INPP4B: variants seen among roughly 807,000 people sequenced by gnomAD.
INPP4B encodes the protein inositol polyphosphate-4-phosphatase type II B.
INPP4B carries 55 observed loss-of-function variants against 122.5 expected under a neutral mutation model. The ratio of observed to expected loss-of-function variants is 0.45; its 90% confidence interval spans 0.36 to 0.56. The LOEUF (loss-of-function observed/expected upper bound fraction) is 0.56. Ranked by LOEUF, INPP4B falls within the 20% of genes least tolerant of loss-of-function variation. The pLI is 0.00. For synonymous variants in INPP4B, 403 were observed against 388.7 expected (o/e 1.04, Z -0.43); for missense variants, 1,000 against 1,097.7 (o/e 0.91, Z 1.26).
At chr4:142,144,814 A>G (rs888993005) in intron 18 of INPP4B, among the ~76,000 whole-genome samples, 2 of 152,150 alleles carry the variant, frequency 1.3e-5, no homozygotes, top group African/African-American at 4.8e-5. Context: ...GATGTTTTAT[A>G]TAATTAAACT....
chr4:142,797,973 A>G (rs1288627232), intron 1 of INPP4B, among the ~76,000 whole-genome samples: 1 of 151,964 alleles, frequency 6.6e-6, no homozygotes, highest in Non-Finnish European at 1.5e-5. Context: ...GAATAAAGTG[A>G]AAAGAAATAT....
Position 142,133,389 on chromosome 4 carries a change from G to A in INPP4B, c.1721-8629C>T, listed in dbSNP as rs74660483. Among the ~76,000 whole-genome samples the A allele has an allele frequency of 5.3e-3, 807 of 152,256 alleles. 9 individuals carry two copies. Among genetic ancestry groups the A allele is most frequent in the African/African-American group, 0.018 (745 of 41,542 alleles). On this transcript the variant is annotated intron_variant, in intron 18 of 25. Transcript: ENST00000262992. ...ATGTCTTACCCTAAAAATAGGTACA[G>A]AATCTCACTACTTTTCATCACCTCC...
At chr4:142,438,647 G>T (rs1436344811) in intron 3 of INPP4B, among the ~76,000 whole-genome samples, 1 of 152,132 alleles carries the variant, frequency 6.6e-6, no homozygotes, top group Non-Finnish European at 1.5e-5. Context: ...CATGGGCAAA[G>T]ATTTTATGAT....
rs148339389 is a variant in INPP4B at position 142,764,136 on chromosome 4, C to T, written c.-253-38235G>A. On this transcript the variant is annotated intron_variant, in intron 1 of 25. Coordinates refer to ENST00000262992, the MANE Select transcript of INPP4B (RefSeq NM_001101669.3). ...AAGATATTTTTATTCCCCTTTTTGA[C>T]GTGTTAGACAAAATTACACATGCAT... Among the ~76,000 whole-genome samples, 68 of 152,040 alleles carry T rather than the reference C, an allele frequency of 4.5e-4. No individual in the cohort carries two copies. In the East Asian group the frequency reaches 9.3e-3, roughly 21 times the overall value.
chr4:142,677,437 A>T (rs1207599213), intron 2 of INPP4B, among the ~76,000 whole-genome samples: 1 of 152,082 alleles, frequency 6.6e-6, no homozygotes, highest in Non-Finnish European at 1.5e-5. Context: ...CAGCATGGTG[A>T]TTCCTCAAGG....
intron 14 of INPP4B, among the ~76,000 whole-genome samples, chr4:142,200,634 G>A (rs1840248067): frequency 6.6e-6 from 1 of 151,692 alleles, no homozygotes. Context: ...ATAAAAGTAA[G>A]TTAAAAAATA....
At chr4:142,050,505 G>A (rs1178178444) in intron 25 of INPP4B, among the ~76,000 whole-genome samples, 2 of 151,928 alleles carry the variant, frequency 1.3e-5, no homozygotes, top group East Asian at 1.9e-4. Context: ...AGATAGCACT[G>A]TACACAGCAC....
chr4:142,075,012 T>C (rs1160274178), intron 25 of INPP4B, among the ~76,000 whole-genome samples: 2 of 152,038 alleles, frequency 1.3e-5, no homozygotes, highest in East Asian at 3.9e-4. Context: ...ATGAACACTT[T>C]CTATGCTCTG....
intron 2 of INPP4B, among the ~76,000 whole-genome samples, chr4:142,515,955 A>G (rs1052869289): frequency 1.1e-4 from 17 of 152,176 alleles, no homozygotes; most frequent in Admixed American, 2.6e-4. Flanking sequence ...TTTTTCTACC[A>G]TTATGTGCAA....
chr4:142,308,686 C>T (rs1382939970), intron 8 of INPP4B, among the ~76,000 whole-genome samples: 2 of 151,706 alleles, frequency 1.3e-5, no homozygotes, highest in African/African-American at 4.8e-5. Context: ...TATATCTTTG[C>T]TATCACTGTC....
At chr4:142,106,482 T>C (rs1190480858) in intron 23 of INPP4B, among the ~76,000 whole-genome samples, 1 of 152,182 alleles carries the variant, frequency 6.6e-6, no homozygotes, top group Non-Finnish European at 1.5e-5. Context: ...GGTTTCACCA[T>C]GTTGCCCGGG....
intron 17 of INPP4B, among the ~76,000 whole-genome samples, chr4:142,146,218 A>G (rs1579071113): frequency 6.6e-6 from 1 of 152,162 alleles, no homozygotes; most frequent in African/African-American, 2.4e-5. Flanking sequence ...TATTTAGTCC[A>G]TTATTTTCAC....
At chr4:142,585,712 T>C (rs1736011569) in intron 2 of INPP4B, among the ~76,000 whole-genome samples, 1 of 152,064 alleles carries the variant, frequency 6.6e-6, no homozygotes, top group Non-Finnish European at 1.5e-5. Flanking sequence ...CAGTGGTCCA[T>C]GTGTCCTCCA....
chr4:142,094,669 C>T (rs148092567), intron 23 of INPP4B, among the ~76,000 whole-genome samples: 1,543 of 152,238 alleles, frequency 0.01, 12 homozygotes, highest in Non-Finnish European at 0.016. Context: ...TCTCCTGCTG[C>T]CTATAATGTG....
intron 2 of INPP4B, among the ~76,000 whole-genome samples, chr4:142,621,017 G>A (rs1744801124): frequency 1.3e-5 from 2 of 151,608 alleles, no homozygotes; most frequent in Middle Eastern, 3.2e-3. Context: ...GCTATTGAAG[G>A]AGCTTTTTTT....
intron 9 of INPP4B, among the ~76,000 whole-genome samples, chr4:142,299,029 A>G (rs1246136638): frequency 6.6e-6 from 1 of 152,046 alleles, no homozygotes; most frequent in East Asian, 1.9e-4. Flanking sequence ...TCATGGAGGA[A>G]CTTCCTGTCA....
intron 1 of INPP4B, among the ~76,000 whole-genome samples, chr4:142,806,850 A>G (rs1778926161): frequency 6.7e-6 from 1 of 149,724 alleles, no homozygotes; most frequent in Non-Finnish European, 1.5e-5. Flanking sequence ...AAAGAAAGAA[A>G]GGAGAAGAAA....
intron 3 of INPP4B, among the ~76,000 whole-genome samples, chr4:142,441,626 A>G (rs1811742522): frequency 6.6e-6 from 1 of 152,134 alleles, no homozygotes; most frequent in Non-Finnish European, 1.5e-5. Context: ...GCATATAGTG[A>G]GAAGAAGAGA....
chr4:142,197,408 C>A (rs1052086869), intron 14 of INPP4B, among the ~76,000 whole-genome samples: 1 of 152,130 alleles, frequency 6.6e-6, no homozygotes, highest in Non-Finnish European at 1.5e-5. Flanking sequence ...TCTGTGAAAT[C>A]TTTCTGAATA....
Sources: gnomAD v4.1 joint callset for allele counts (sites outside exome capture counted in the v4.1 genomes callset) on GRCh38, gnomAD v4.1.1 for gene constraint, MANE v1.5 for transcripts, NCBI Gene and HGNC (gene_info 2026-07-23, HGNC 2026-07-21) for gene names.